Variants in TTN observed in about 807,000 individuals in gnomAD.
TTN encodes connectin.
TTN carries 1,525 observed loss-of-function variants against 3,223.0 expected under a neutral mutation model. That is an observed-to-expected ratio of 0.47 (90% CI 0.45 to 0.49). The LOEUF is 0.49. Ranked by LOEUF, TTN falls within the 20% of genes least tolerant of loss-of-function variation. The probability of loss-of-function intolerance (pLI) is 0.00; values close to 1 mark genes in which losing one functional copy is unlikely to be tolerated. For synonymous variants in TTN, 14,094 were observed against 15,161.0 expected, an observed-to-expected ratio of 0.93 and a Z score of 5.17; for missense variants, 40,786 against 43,424.0, an observed-to-expected ratio of 0.94 and a Z score of 5.40.
chr2:178,585,409 G>A, intron 308 of TTN, 62 bp from the exon 309 acceptor site: 1 of 1,501,872 alleles, frequency 6.7e-7, no homozygotes, highest in South Asian at 1.4e-5. Flanking sequence ...CTGGTGGAGA[G>A]CTATACTGGT....
rs755081931 is a variant in TTN, at chr2:178,560,337, G to A, written c.85795C>T (p.Arg28599Cys). Residue 28599 changes from arginine to cysteine, a missense_variant, in exon 326 of 363, where the codon CGT becomes TGT. By Grantham distance (180) the Arg-to-Cys change is radical. Transcript: ENST00000589042. ...RREKNSLRWV[R>C]VNKKPVYDLR... ...TCATAAACTGGTTTTTTGTTTACAC[G>A]CACCCATCTTAGGCTATTTTTCTCT... is the stretch of plus-strand genomic sequence containing the variant. 8.7e-6 allele frequency: 14 copies of A among 1,613,492 alleles called. No individual in the cohort carries two copies. Among genetic ancestry groups the A allele is most frequent in the Middle Eastern group, 1.6e-4 (1 of 6,078 alleles).
At chr2:178,650,576 A>C (rs2062764561) in intron 209 of TTN, among the ~76,000 whole-genome samples, 175 bp downstream of exon 209, 1 of 152,154 alleles carries the variant, frequency 6.6e-6, no homozygotes, top group Non-Finnish European at 1.5e-5. Flanking sequence ...GATACTGTGG[A>C]CCAATAACCC....
chr2:178,672,023 A>G lies in TTN; in HGVS notation c.35175T>C (p.Val11725=). 1 of 1,608,658 alleles carries G rather than the reference A, an allele frequency of 6.2e-7. No homozygotes were observed. The highest frequency in any genetic ancestry group is 8.5e-7 in the Non-Finnish European group (1 of 1,178,314). The change falls in exon 155 of 363, where the codon GTT becomes GTC. Residue 11725 remains valine, a synonymous_variant. Coordinates refer to ENST00000589042, the MANE Select transcript of TTN (RefSeq NM_001267550.2). ...ATACTTCCACTTCTTCAGCCTCAAA[A>G]ACTTCTATTACCCTATGAACTTTTT... ...RVEKVHRVIE[V]FEAEEVEVFE...
rs1333823103 is a variant in TTN, at chr2:178,723,127, T to C, written c.21880A>G (p.Lys7294Glu). Residue 7294 changes from lysine (K) to glutamate (E), a missense_variant, in exon 75 of 363, where the codon AAA becomes GAA. By Grantham distance (56) the Lys-to-Glu change is moderately conservative. Coordinates refer to ENST00000589042, the MANE Select transcript of TTN (RefSeq NM_001267550.2). Reference protein sequence around the residue: ...TCILEILNSTKRDAGQYSCEI... With the variant: ...TCILEILNSTERDAGQYSCEI... ...CAGGAATACTGCCCTGCATCTCTTT[T>C]TGTGCTATTCAGAATTTCCAGGATA... is the stretch of plus-strand genomic sequence containing the variant. 1.9e-6 allele frequency: 3 copies of C among 1,613,602 alleles called. No homozygotes were observed. In the Admixed American group the frequency reaches 5.0e-5, roughly 27 times the overall value.
In TTN at chr2:178,565,191, G is replaced by A. The variant is rs779878975; in HGVS notation, c.80941C>T (p.Arg26981Trp). The change falls in exon 326 of 363, where the codon CGG (arginine) becomes TGG (tryptophan). Residue 26981 changes from arginine to tryptophan, a missense_variant. Physicochemically the swap from Arg to Trp is moderately radical, Grantham distance 101. Transcript: ENST00000589042. ...EKPGPPVGPV[R>W]FDEVSADFVV... ...AAGTCTGCACTAACTTCATCAAACC[G>A]AACTGGGCCAACTGGAGGTCCAGGC... 3.3e-5 allele frequency: 53 copies of A among 1,613,388 alleles called. No homozygotes were observed. The highest frequency in any genetic ancestry group is 1.2e-4 in the Admixed American group (7 of 59,966).
At chr2:178,676,251 TA>T in intron 147 of TTN, 1 of 323,340 alleles carries the variant, frequency 3.1e-6, no homozygotes, top group Admixed American at 4.5e-5. Context: ...CTTTTAATGC[TA>T]AAAACCGCAA....
At position 178,775,949 on chromosome 2, in the gene TTN, T is replaced by C; in HGVS notation, c.5915A>G (p.Glu1972Gly). The C allele has an allele frequency of 6.2e-7, 1 of 1,614,174 alleles. No homozygotes were observed. Among genetic ancestry groups the C allele is most frequent in the South Asian group, 1.1e-5 (1 of 91,078 alleles). The part of the protein sequence containing the change: ...QKVDRPVDTT[E>G]TKEVVKLKRA... ...TTTCAACTTCACAACTTCTTTGGTT[T>C]CAGTGGTGTCAACAGGTCTATCCAC... Residue 1972 changes from glutamate to glycine, a missense_variant, in exon 28 of 363, where the codon GAA becomes GGA. By Grantham distance (98) the Glu-to-Gly change is moderately conservative (BLOSUM62 -2). Transcript: ENST00000589042.
In TTN at chr2:178,533,426, C is replaced by T. The variant is rs1559025541; in HGVS notation, c.103189G>A (p.Glu34397Lys). ...AGGGACAGTGGCTGACCATCTTTCTCCCATTTTAATGTTGGTGGGGGGATG... is the reference window on the plus strand; with the variant it reads ...AGGGACAGTGGCTGACCATCTTTCTTCCATTTTAATGTTGGTGGGGGGATG... ...SGIPPPTLKWEKDGQPLSLGP... is the reference protein window; with the variant it reads ...SGIPPPTLKWKKDGQPLSLGP... The change falls in exon 358 of 363, where the codon GAG becomes AAG. Residue 34397 changes from glutamate to lysine, a missense_variant. Transcript: ENST00000589042. The T allele has an allele frequency of 1.2e-6, 2 of 1,613,898 alleles. No individual in the cohort carries two copies. The highest frequency in any genetic ancestry group is 2.2e-5 in the South Asian group (2 of 91,082).
Position 178,610,932 on chromosome 2 carries a change from A to G in TTN, c.51136+61T>C. On this transcript the variant is annotated intron_variant, in intron 270 of 362. Transcript: ENST00000589042. ...CCAATTATATTATTAATAGCACTGC[A>G]AAGTTAACTAATTTCCTCTACATGT... The G allele has an allele frequency of 1.9e-6, 3 of 1,593,686 alleles. No homozygotes were observed. In the South Asian group the frequency reaches 3.4e-5, roughly 18 times the overall value.
chr2:178,641,559 A>G (rs1207531258), intron 219 of TTN: 2 of 258,764 alleles, frequency 7.7e-6, no homozygotes, highest in Non-Finnish European at 1.4e-5. Context: ...GTCTATTCTG[A>G]GACAAGTCTG....
chr2:178,698,969 A>T, intron 111 of TTN, 55 bp from the exon 112 acceptor site: 1 of 1,444,330 alleles, frequency 6.9e-7, no homozygotes, highest in Non-Finnish European at 9.2e-7. Flanking sequence ...GTAAGTAACT[A>T]AAATGCTTTC....
chr2:178,737,127 G>GGGAAGGAA (rs932146225), intron 49 of TTN, among the ~76,000 whole-genome samples: 7 of 151,634 alleles, frequency 4.6e-5, no homozygotes, highest in Non-Finnish European at 1.0e-4. Context: ...GAGGGAAGGA[G>GGGAAGGAA]GGAAGGAAGG....
chr2:178,631,732 C>G (rs1252282780), intron 236 of TTN, among the ~76,000 whole-genome samples: 1 of 151,926 alleles, frequency 6.6e-6, no homozygotes, highest in Non-Finnish European at 1.5e-5. Context: ...CATGTTTAAT[C>G]TTGTTGATAT....
At chr2:178,747,200 C>T in intron 47 of TTN, 3 of 1,611,256 alleles carry the variant, frequency 1.9e-6, no homozygotes, top group Non-Finnish European at 2.5e-6. Flanking sequence ...TAGAGTCTCT[C>T]CTGGAGGTGT....
chr2:178,613,140 C>CA, intron 264 of TTN, 21 bp downstream of exon 264: 3 of 1,606,992 alleles, frequency 1.9e-6, no homozygotes, highest in Non-Finnish European at 2.5e-6. Context: ...GAAATAACCA[C>CA]AAAAATTATA....
chr2:178,774,052 A>G lies in TTN; in HGVS notation c.7116T>C (p.Ile2372=). The change falls in exon 31 of 363, where the codon ATT becomes ATC. Residue 2372 remains isoleucine (I), a synonymous_variant. Coordinates refer to ENST00000589042, the MANE Select transcript of TTN (RefSeq NM_001267550.2). ...AGGAGACTTTAACTTCAAGCTGAAC[A>G]ATGTCACCCTCACAGACTTTTTGGT... ...LSDQKVCEGD[I]VQLEVKVSLE... is the part of the protein sequence containing the mutation. 2.5e-6 allele frequency: 4 copies of G among 1,614,108 alleles called. No homozygotes were observed. The highest frequency in any genetic ancestry group is 3.4e-6 in the Non-Finnish European group (4 of 1,179,992).
chr2:178,681,235 C>A, intron 137 of TTN, 64 bp from the exon 138 acceptor site: 1 of 1,483,022 alleles, frequency 6.7e-7, no homozygotes. Flanking sequence ...GTAATAAATA[C>A]ACATAAAAAA....
rs764663290 is a variant in TTN, at chr2:178,734,547, G to C, written c.15277C>G (p.Leu5093Val). Reference protein sequence around the residue: ...PADIVRGTNALLQCEVSGTGP... With the variant: ...PADIVRGTNAVLQCEVSGTGP... ...GTGCCTGAGACTTCACACTGAAGTA[G>C]AGCATTTGTTCCTCTCACTATGTCT... The change falls in exon 52 of 363, where the codon CTA becomes GTA. Residue 5093 changes from leucine to valine, a missense_variant. Physicochemically the swap from Leu to Val is conservative, Grantham distance 32. Transcript: ENST00000589042. 1.4e-5 allele frequency: 23 copies of C among 1,607,806 alleles called. No individual in the cohort carries two copies. The South Asian group carries it at 1.6e-4, about 11-fold the overall frequency.
At position 178,786,665 on chromosome 2, in the gene TTN, A is replaced by C. The variant is rs183633612; in HGVS notation, c.2077-524T>G. The stretch of plus-strand genomic sequence containing the variant: ...AATCGGACATAACATGAAAGCTCAC[A>C]AACACAGAGTGAGCATATGAATTTA... On this transcript the variant is annotated intron_variant, in intron 13 of 362. Coordinates refer to ENST00000589042, the MANE Select transcript of TTN (RefSeq NM_001267550.2). Among the ~76,000 whole-genome samples the C allele has an allele frequency of 1.3e-3, 202 of 152,352 alleles. 3 individuals are homozygous for C. The highest frequency in any genetic ancestry group is 4.2e-3 in the African/African-American group (174 of 41,584).
Sources: gnomAD v4.1 joint callset for allele counts (sites outside exome capture counted in the v4.1 genomes callset) on GRCh38, gnomAD v4.1.1 for gene constraint, MANE v1.5 for transcripts, NCBI Gene and HGNC (gene_info 2026-07-23, HGNC 2026-07-21) for gene names.